FUT8: variants seen among roughly 807,000 people sequenced by gnomAD.
FUT8 encodes the protein fucosyltransferase 8.
In FUT8, 29 loss-of-function variants were observed where a neutral mutation model predicts 71.3. That is an observed-to-expected ratio of 0.41 (90% CI 0.30 to 0.55). FUT8 has a LOEUF of 0.55. Ranked by LOEUF, FUT8 falls within the 20% of genes least tolerant of loss-of-function variation. FUT8 has a pLI of 0.34. For missense variants in FUT8, 544 were observed against 702.1 expected (o/e 0.77, Z 2.55); for synonymous variants, 254 against 239.3 (o/e 1.06, Z -0.57).
At chr14:65,726,373 G>T (rs866926623) in intron 9 of FUT8, among the ~76,000 whole-genome samples, 3 of 152,168 alleles carry the variant, frequency 2.0e-5, no homozygotes, top group South Asian at 2.1e-4. Context: ...CCCAGACTGG[G>T]CAATTTACAA....
At chr14:65,471,821 A>C (rs1321785126) in intron 2 of FUT8, among the ~76,000 whole-genome samples, 1 of 151,910 alleles carries the variant, frequency 6.6e-6, no homozygotes, top group Non-Finnish European at 1.5e-5. Context: ...AACTGTACTT[A>C]AGGTTATTTT....
chr14:65,431,360 A>C (rs1177345444), intron 1 of FUT8, among the ~76,000 whole-genome samples: 1 of 138,892 alleles, frequency 7.2e-6, no homozygotes, highest in East Asian at 2.3e-4. Context: ...GCCCAGACTA[A>C]GGGGAGTGGC....
At chr14:65,718,206 T>G (rs937127031) in intron 7 of FUT8, among the ~76,000 whole-genome samples, 1 of 152,226 alleles carries the variant, frequency 6.6e-6, no homozygotes, top group Non-Finnish European at 1.5e-5. Context: ...TGTTTTAATT[T>G]CTTGCTTTTT....
chr14:65,678,806 T>A (rs1043460012), intron 7 of FUT8, among the ~76,000 whole-genome samples: 2 of 152,198 alleles, frequency 1.3e-5, no homozygotes, highest in Non-Finnish European at 2.9e-5. Flanking sequence ...ATCCTAAGGA[T>A]CTGAATATTA....
chr14:65,369,079 A>T, the FUT8 span, among the ~76,000 whole-genome samples: 1 of 152,246 alleles, frequency 6.6e-6, no homozygotes. This position sits in a 1 kb window ranked among gnomAD's most constrained non-coding sequence, Gnocchi z 4.6. Flanking sequence ...ACTATGTCTG[A>T]AAGTCAGCAT....
At chr14:65,587,685 A>G (rs1398756155) in intron 3 of FUT8, among the ~76,000 whole-genome samples, 2 of 152,230 alleles carry the variant, frequency 1.3e-5, no homozygotes, top group Non-Finnish European at 2.9e-5. Context: ...CACTTGGACT[A>G]TTAAAATATT....
At chr14:65,514,468 A>C (rs78738905) in intron 2 of FUT8, among the ~76,000 whole-genome samples, 1 of 152,360 alleles carries the variant, frequency 6.6e-6, no homozygotes, top group East Asian at 1.9e-4. Context: ...GGTAGTTAAC[A>C]ATGTACGTAT....
At chr14:65,704,578 A>G (rs1355279418) in intron 7 of FUT8, among the ~76,000 whole-genome samples, 1 of 152,162 alleles carries the variant, frequency 6.6e-6, no homozygotes, top group Non-Finnish European at 1.5e-5. Context: ...AACTCCCTCA[A>G]ACGTCTAGCC....
At chr14:65,470,738 C>T (rs750613520) in intron 2 of FUT8, among the ~76,000 whole-genome samples, 4 of 152,106 alleles carry the variant, frequency 2.6e-5, no homozygotes, top group Non-Finnish European at 5.9e-5. Flanking sequence ...CTGGCACCCT[C>T]AGTGGGGTGG....
chr14:65,379,847 G>C, the FUT8 span, among the ~76,000 whole-genome samples: 1 of 152,140 alleles, frequency 6.6e-6, no homozygotes, highest in African/African-American at 2.4e-5. Flanking sequence ...CATCTTGCTG[G>C]GCATCCTCAC....
chr14:65,648,882 C>T (rs1361245517), intron 6 of FUT8, among the ~76,000 whole-genome samples: 1 of 152,046 alleles, frequency 6.6e-6, no homozygotes, highest in Admixed American at 6.6e-5. Context: ...ACAAGAGGGT[C>T]TAGGATCTAA....
At chr14:65,512,922 A>AAG (rs1359682828) in intron 2 of FUT8, among the ~76,000 whole-genome samples, 9 of 151,056 alleles carry the variant, frequency 6.0e-5, no homozygotes, top group Admixed American at 5.3e-4. Context: ...AAAAAAAAAA[A>AAG]AAAGAAAAAG....
chr14:65,662,142 G>A (rs951267378), intron 6 of FUT8, among the ~76,000 whole-genome samples: 1 of 152,132 alleles, frequency 6.6e-6, no homozygotes, highest in African/African-American at 2.4e-5. Context: ...GGCCAGGAGT[G>A]GTGGCTCATG....
intron 3 of FUT8, among the ~76,000 whole-genome samples, chr14:65,565,314 T>C (rs1186929273): frequency 1.3e-5 from 2 of 151,902 alleles, no homozygotes; most frequent in Non-Finnish European, 2.9e-5. Flanking sequence ...TACTGCCATG[T>C]TGGGGATCAA....
chr14:65,424,159 A>G (rs2065346488), intron 1 of FUT8, among the ~76,000 whole-genome samples: 1 of 152,322 alleles, frequency 6.6e-6, no homozygotes, highest in Non-Finnish European at 1.5e-5. Flanking sequence ...TTACTGGAAT[A>G]TACAATTTAT....
rs1594880427 is a variant in FUT8, at chr14:65,669,368, C to G, written c.723C>G (p.Leu241=). The change falls in exon 7 of 11, where the codon CTC becomes CTG. Residue 241 remains leucine, a synonymous_variant. Coordinates refer to ENST00000673929, the MANE Select transcript of FUT8 (RefSeq NM_001371533.1). The surrounding 1 kb of genome is among the most constrained non-coding windows in gnomAD (Gnocchi z 4.5). Reference sequence around the variant, plus strand: ...TTGCATATGGCACCCAGCGAACACTCATCTTGGAATCTCAGAATTGGCGCT... The same window carrying G: ...TTGCATATGGCACCCAGCGAACACTGATCTTGGAATCTCAGAATTGGCGCT... ...FMIAYGTQRT[L]ILESQNWRYA... is the part of the protein sequence containing the mutation. 1 of 1,613,804 alleles carries G rather than the reference C, an allele frequency of 6.2e-7. No homozygotes were observed.
chr14:65,606,456 T>G (rs1172358901), intron 3 of FUT8, among the ~76,000 whole-genome samples: 1 of 151,852 alleles, frequency 6.6e-6, no homozygotes, highest in Non-Finnish European at 1.5e-5. Flanking sequence ...AAAATCTTAT[T>G]TAAGAAATTC....
chr14:65,380,030 G>T, the FUT8 span, among the ~76,000 whole-genome samples: 4 of 152,190 alleles, frequency 2.6e-5, no homozygotes, highest in African/African-American at 7.2e-5. Context: ...GCACAATAGG[G>T]ATTAAGTTTT....
intron 2 of FUT8, chr14:65,468,363 G>T: frequency 1.9e-6 from 1 of 534,974 alleles, no homozygotes; most frequent in Non-Finnish European, 3.5e-6. Flanking sequence ...ATTACTGGAA[G>T]ATGGTGGTTC....
Sources: allele counts gnomAD v4.1 joint callset (sites outside exome capture counted in the v4.1 genomes callset), GRCh38; gene constraint gnomAD v4.1.1; non-coding constraint Gnocchi (gnomAD v3.1); transcripts MANE v1.5; gene names NCBI Gene and HGNC (gene_info 2026-07-23, HGNC 2026-07-21).